Variants in PANX1 observed in about 807,000 individuals in gnomAD.
PANX1 encodes pannexin-1.
A neutral mutation model predicts 38.7 loss-of-function variants in PANX1; 30 were observed. That is an observed-to-expected ratio of 0.78 (90% CI 0.58 to 1.05). The LOEUF (loss-of-function observed/expected upper bound fraction) is 1.05. PANX1 is among the 50% of genes least tolerant of loss of function. The probability of loss-of-function intolerance (pLI) is 0.00; values close to 1 mark genes in which losing one functional copy is unlikely to be tolerated. For synonymous variants in PANX1, 230 were observed against 212.2 expected (o/e 1.08, Z -0.73); for missense variants, 551 against 517.2 (o/e 1.07, Z -0.63).
rs76388827 is a variant in PANX1, at chr11:94,154,028, C to T, written c.321+398C>T. Among the ~76,000 whole-genome samples the T allele has an allele frequency of 0.01, 1,591 of 152,302 alleles. 78 individuals carry two copies. In the East Asian group the frequency reaches 0.14, roughly 13 times the overall value. On this transcript the variant is annotated intron_variant, in intron 2 of 4. Coordinates refer to ENST00000227638, the MANE Select transcript of PANX1 (RefSeq NM_015368.4). Reference sequence around the variant, plus strand: ...TTCTCAGCTAGCACCTTTTCTACCACACACAGGGTCTCTTGCAGAAAGTAA... The same window carrying T: ...TTCTCAGCTAGCACCTTTTCTACCATACACAGGGTCTCTTGCAGAAAGTAA...
intron 1 of PANX1, among the ~76,000 whole-genome samples, chr11:94,136,255 G>T (rs537310638): frequency 2.6e-4 from 39 of 152,032 alleles, no homozygotes; most frequent in Admixed American, 9.8e-4. Context: ...AAATGTGACT[G>T]CATTAGAAGT....
At chr11:94,162,869 C>CTTTT (rs1565381193) in intron 2 of PANX1, among the ~76,000 whole-genome samples, 3 of 76,366 alleles carry the variant, frequency 3.9e-5, no homozygotes, top group Non-Finnish European at 7.5e-5. Flanking sequence ...CCACCAACCT[C>CTTTT]TCTTTTTTTT....
chr11:94,132,118 A>C (rs1946637180), intron 1 of PANX1, among the ~76,000 whole-genome samples: 1 of 152,224 alleles, frequency 6.6e-6, no homozygotes. Context: ...ACTACTCTAT[A>C]AACATTTGTT....
intron 2 of PANX1, among the ~76,000 whole-genome samples, chr11:94,165,881 C>T (rs1193561590): frequency 6.6e-6 from 1 of 152,084 alleles, no homozygotes; most frequent in Non-Finnish European, 1.5e-5. Flanking sequence ...CCATTGCACT[C>T]CAGCCTGGGC....
At chr11:94,176,938 T>G (rs929838757) in intron 2 of PANX1, among the ~76,000 whole-genome samples, 8 of 151,706 alleles carry the variant, frequency 5.3e-5, no homozygotes, top group African/African-American at 2.0e-4. Context: ...CTGTGAGGAC[T>G]GAACATAACG....
intron 2 of PANX1, among the ~76,000 whole-genome samples, chr11:94,171,220 C>T (rs1309156839): frequency 6.6e-6 from 1 of 151,568 alleles, no homozygotes; most frequent in Non-Finnish European, 1.5e-5. Context: ...CCATCTCCAT[C>T]ATGAGTTCCT....
Position 94,178,405 on chromosome 11 carries a change from C to T in PANX1, c.358C>T (p.Leu120=). The T allele has an allele frequency of 1.2e-6, 2 of 1,614,078 alleles. No homozygotes were observed. Among genetic ancestry groups the T allele is most frequent in the Non-Finnish European group, 1.7e-6 (2 of 1,179,994 alleles). The change falls in exon 3 of 5, where the codon CTG becomes TTG. Residue 120 remains leucine (L), a synonymous_variant. Coordinates refer to ENST00000227638, the MANE Select transcript of PANX1 (RefSeq NM_015368.4). The part of the protein sequence containing the change: ...PYILLLFAIL[L]YLPPLFWRFA... Reference sequence around the variant, plus strand: ...CATCCTGCTGCTCTTTGCGATCCTCCTGTACCTGCCCCCGCTGTTCTGGCG... The same window carrying T: ...CATCCTGCTGCTCTTTGCGATCCTCTTGTACCTGCCCCCGCTGTTCTGGCG...
chr11:94,130,803 GTGT>G (rs1946621374), intron 1 of PANX1, among the ~76,000 whole-genome samples: 1 of 152,222 alleles, frequency 6.6e-6, no homozygotes, highest in Non-Finnish European at 1.5e-5. Flanking sequence ...GTGGAGTGTG[GTGT>G]TGGTGGTGAT....
intron 1 of PANX1, among the ~76,000 whole-genome samples, chr11:94,150,569 C>T (rs774474783): frequency 6.6e-6 from 1 of 152,154 alleles, no homozygotes; most frequent in African/African-American, 2.4e-5. Flanking sequence ...CAGCTGATCA[C>T]CCTGACCCCT....
intron 1 of PANX1, among the ~76,000 whole-genome samples, chr11:94,130,168 C>T (rs887525367): frequency 3.3e-5 from 5 of 152,180 alleles, no homozygotes; most frequent in Non-Finnish European, 5.9e-5. Context: ...CCTTACCTTC[C>T]TCATCAGCTG....
intron 2 of PANX1, among the ~76,000 whole-genome samples, chr11:94,164,170 C>A (rs1165084598): frequency 6.6e-6 from 1 of 151,252 alleles, no homozygotes; most frequent in African/African-American, 2.4e-5. Flanking sequence ...AAAAAACCAA[C>A]TTTTAAATTT....
chr11:94,140,574 C>T (rs370230512), intron 1 of PANX1, among the ~76,000 whole-genome samples: 7 of 152,242 alleles, frequency 4.6e-5, no homozygotes, highest in East Asian at 1.9e-4. Context: ...TTCATTTAAC[C>T]GTCTGTTTAT....
intron 1 of PANX1, among the ~76,000 whole-genome samples, chr11:94,148,015 T>C (rs1946846996): frequency 6.6e-6 from 1 of 152,094 alleles, no homozygotes; most frequent in Admixed American, 6.6e-5. Flanking sequence ...AAAGCCAGGC[T>C]TAGCTGTGGG....
Position 94,129,227 on chromosome 11 carries a change from G to C in PANX1, c.-86G>C. Reference sequence around the variant, plus strand: ...AAGGGAAAGCGAAAGCCGCGCGCCCGGCCGGTGACTGGGTGAAGGCGCCGC... The same window carrying C: ...AAGGGAAAGCGAAAGCCGCGCGCCCCGCCGGTGACTGGGTGAAGGCGCCGC... On this transcript the variant is annotated 5_prime_UTR_variant, in exon 1 of 5. Coordinates refer to ENST00000227638, the MANE Select transcript of PANX1 (RefSeq NM_015368.4). 1.7e-6 allele frequency: 2 copies of C among 1,202,238 alleles called. No homozygotes were observed. The highest frequency in any genetic ancestry group is 3.0e-5 in the South Asian group (2 of 65,904). 74.5% of individuals were successfully genotyped at this position (1,202,238 alleles called of 1,614,324 possible).
chr11:94,153,536 A>G lies in PANX1; in HGVS notation c.227A>G (p.Gln76Arg). ...CFSPSSFSWR[Q>R]AAFVDSYCWA... The stretch of plus-strand genomic sequence containing the variant: ...TCTCCAAGTTCTTTCTCCTGGCGTC[A>G]GGCTGCCTTTGTGGATTCATATTGC... The change falls in exon 2 of 5, where the codon CAG (glutamine) becomes CGG (arginine). Residue 76 changes from glutamine to arginine, a missense_variant. Transcript: ENST00000227638. The G allele has an allele frequency of 6.2e-7, 1 of 1,614,164 alleles. No individual in the cohort carries two copies. Among genetic ancestry groups the G allele is most frequent in the Non-Finnish European group, 8.5e-7 (1 of 1,179,996 alleles).
At chr11:94,161,227 A>G (rs917310209) in intron 2 of PANX1, among the ~76,000 whole-genome samples, 4 of 151,914 alleles carry the variant, frequency 2.6e-5, no homozygotes, top group African/African-American at 9.7e-5. Flanking sequence ...CTCGAGGAGT[A>G]TCTTTGTGGC....
intron 2 of PANX1, among the ~76,000 whole-genome samples, chr11:94,154,548 A>G (rs1038414891): frequency 3.3e-5 from 5 of 152,192 alleles, no homozygotes; most frequent in African/African-American, 9.7e-5. Context: ...CGAAAACCCA[A>G]AAGCCAAAGT....
intron 1 of PANX1, among the ~76,000 whole-genome samples, chr11:94,143,080 CT>C (rs1202042221): frequency 6.6e-6 from 1 of 152,204 alleles, no homozygotes; most frequent in Non-Finnish European, 1.5e-5. Flanking sequence ...ATTGTAAGTC[CT>C]TTTCATGTTG....
At chr11:94,151,884 C>T (rs1046901941) in intron 1 of PANX1, among the ~76,000 whole-genome samples, 2 of 152,172 alleles carry the variant, frequency 1.3e-5, no homozygotes, top group African/African-American at 2.4e-5. Context: ...CAAGTCCTTT[C>T]TTGATGGCTG....
Sources: allele counts gnomAD v4.1 joint callset (sites outside exome capture counted in the v4.1 genomes callset), GRCh38; gene constraint gnomAD v4.1.1; transcripts MANE v1.5; gene names NCBI Gene and HGNC (gene_info 2026-07-23, HGNC 2026-07-21).